LRRC4C: variants seen among roughly 807,000 people sequenced by gnomAD.
LRRC4C encodes leucine rich repeat containing 4C.
In LRRC4C, 5 loss-of-function variants were observed where a neutral mutation model predicts 33.6. The ratio of observed to expected loss-of-function variants is 0.15; its 90% CI spans 0.08 to 0.31. The LOEUF is 0.31. LRRC4C is among the 10% of genes least tolerant of loss of function. LRRC4C has a pLI of 1.00. For missense variants in LRRC4C, 560 were observed against 796.7 expected (o/e 0.70, Z 3.58); for synonymous variants, 329 against 302.0 (o/e 1.09, Z -0.93).
intron 3 of LRRC4C, among the ~76,000 whole-genome samples, chr11:40,582,304 G>A (rs1447445571): frequency 1.3e-5 from 2 of 152,060 alleles, no homozygotes; most frequent in Admixed American, 1.3e-4. Context: ...GCATTGGATT[G>A]TTATACATGA....
intron 1 of LRRC4C, among the ~76,000 whole-genome samples, chr11:40,953,864 T>C (rs1278158793): frequency 6.6e-6 from 1 of 151,896 alleles, no homozygotes; most frequent in East Asian, 1.9e-4. Context: ...TTTCTTATAT[T>C]TTTATCTTAT....
chr11:41,118,582 T>C (rs56413148), intron 1 of LRRC4C, among the ~76,000 whole-genome samples: 2,122 of 152,318 alleles, frequency 0.014, 37 homozygotes, highest in African/African-American at 0.046. Flanking sequence ...CGATAGTCAA[T>C]TCATTCGTTT....
intron 2 of LRRC4C, among the ~76,000 whole-genome samples, chr11:40,818,662 C>T (rs572687491): frequency 6.6e-6 from 1 of 152,018 alleles, no homozygotes; most frequent in Non-Finnish European, 1.5e-5. Flanking sequence ...TCTATGCCTT[C>T]TCTTTTTAAA....
intron 3 of LRRC4C, among the ~76,000 whole-genome samples, chr11:40,337,471 T>C (rs1052684831): frequency 6.6e-6 from 1 of 152,216 alleles, no homozygotes; most frequent in Non-Finnish European, 1.5e-5. Flanking sequence ...AGTCTTCTTA[T>C]GTCAGTGTTT....
chr11:40,530,924 AC>A (rs1468890198), intron 3 of LRRC4C, among the ~76,000 whole-genome samples: 1 of 151,802 alleles, frequency 6.6e-6, no homozygotes, highest in African/African-American at 2.4e-5. Flanking sequence ...TTTTTTAGTG[AC>A]CCTGTCATGG....
chr11:40,242,561 T>C (rs1373283542), intron 4 of LRRC4C, among the ~76,000 whole-genome samples: 1 of 152,178 alleles, frequency 6.6e-6, no homozygotes, highest in African/African-American at 2.4e-5. Context: ...CCAGATATCA[T>C]GTATGTAAAA....
At chr11:41,235,598 A>T (rs1200967483) in intron 1 of LRRC4C, among the ~76,000 whole-genome samples, 1 of 152,134 alleles carries the variant, frequency 6.6e-6, no homozygotes, top group Non-Finnish European at 1.5e-5. Context: ...TCATCTATGT[A>T]ACAACCAGTA....
At chr11:41,278,441 T>C (rs1949550953) in intron 1 of LRRC4C, among the ~76,000 whole-genome samples, 1 of 152,212 alleles carries the variant, frequency 6.6e-6, no homozygotes, top group Non-Finnish European at 1.5e-5. Flanking sequence ...TGACATTAAG[T>C]GAGGACTTAC....
intron 5 of LRRC4C, among the ~76,000 whole-genome samples, chr11:40,177,243 G>A (rs561309085): frequency 7.9e-5 from 12 of 151,346 alleles, no homozygotes; most frequent in South Asian, 2.1e-4. Context: ...ATGAGCCACC[G>A]TGCCCGGGCT....
At chr11:40,552,500 T>G (rs1957165379) in intron 3 of LRRC4C, among the ~76,000 whole-genome samples, 2 of 152,174 alleles carry the variant, frequency 1.3e-5, no homozygotes, top group African/African-American at 4.8e-5. Context: ...CCCCCCACAA[T>G]GTAGGGAACT....
intron 5 of LRRC4C, among the ~76,000 whole-genome samples, chr11:40,233,278 G>A (rs112658672): frequency 0.012 from 1,902 of 152,218 alleles, 18 homozygotes; most frequent in Non-Finnish European, 0.016. Flanking sequence ...TAGCAACTGC[G>A]ATGGCTCAGT....
Position 40,253,769 on chromosome 11 carries a change from C to A in LRRC4C, c.-175-12171G>T, listed in dbSNP as rs146965238. ...GAGGGAACCTATGCAAGTCAAATAA[C>A]CTTTCTCTGTCTCAATTCTCTCAAC... On this transcript the variant is annotated intron_variant, in intron 4 of 6. Coordinates refer to ENST00000528697, the MANE Select transcript of LRRC4C (RefSeq NM_001258419.2). 1.0e-2 allele frequency among the ~76,000 whole-genome samples: 1,517 copies of A among 152,282 alleles called. 8 individuals are homozygous for A. Among genetic ancestry groups the A allele is most frequent in the Non-Finnish European group, 0.017 (1,136 of 68,030 alleles).
intron 4 of LRRC4C, among the ~76,000 whole-genome samples, chr11:40,259,551 C>T (rs1305268515): frequency 2.6e-5 from 4 of 151,982 alleles, no homozygotes; most frequent in Admixed American, 6.6e-5. Flanking sequence ...TTAGGTCGAA[C>T]GTTTAAGTCT....
chr11:40,799,767 T>C (rs1485606681), intron 2 of LRRC4C, among the ~76,000 whole-genome samples: 2 of 152,204 alleles, frequency 1.3e-5, no homozygotes, highest in African/African-American at 4.8e-5. Flanking sequence ...CTACATCTGG[T>C]CGTAGTATAG....
At chr11:40,618,496 T>C (rs1453145806) in intron 3 of LRRC4C, among the ~76,000 whole-genome samples, 5 of 151,722 alleles carry the variant, frequency 3.3e-5, no homozygotes, top group African/African-American at 1.2e-4. Flanking sequence ...ACCTGGTTTA[T>C]GGTAATTTTT....
intron 1 of LRRC4C, among the ~76,000 whole-genome samples, chr11:41,410,542 G>A (rs951437067): frequency 6.6e-5 from 10 of 151,534 alleles, no homozygotes; most frequent in African/African-American, 9.7e-5. Flanking sequence ...CTGGGTTCAC[G>A]CCATTCTCCT....
chr11:40,641,928 CA>C (rs1942144259), intron 3 of LRRC4C, among the ~76,000 whole-genome samples: 1 of 151,896 alleles, frequency 6.6e-6, no homozygotes, highest in Non-Finnish European at 1.5e-5. Context: ...CATAAATTGA[CA>C]AAATTCAGAG....
intron 2 of LRRC4C, among the ~76,000 whole-genome samples, chr11:40,891,621 A>G (rs1030501343): frequency 2.0e-5 from 3 of 152,192 alleles, no homozygotes; most frequent in Admixed American, 1.3e-4. Context: ...TCAAACTAAG[A>G]CAAACAAAAG....
In LRRC4C at chr11:41,087,437, C is replaced by G. The variant is rs1399101742; in HGVS notation, c.-495-153714G>C. On this transcript the variant is annotated intron_variant, in intron 1 of 6. Transcript: ENST00000528697. ...ATTTCCAACTTGTTTAATTGTTTCT[C>G]TAATATCTTGTAGTTCTCCTTCATC... is the stretch of plus-strand genomic sequence containing the variant. Among the ~76,000 whole-genome samples the G allele has an allele frequency of 2.6e-5, 4 of 152,094 alleles. No homozygotes were observed. The East Asian group carries it at 7.7e-4, about 29-fold the overall frequency.
Sources: gnomAD v4.1 joint callset for allele counts (sites outside exome capture counted in the v4.1 genomes callset) on GRCh38, gnomAD v4.1.1 for gene constraint, MANE v1.5 for transcripts, NCBI Gene and HGNC (gene_info 2026-07-23, HGNC 2026-07-21) for gene names.